Variants in ACTR10 observed in about 807,000 individuals in gnomAD.
The protein encoded by ACTR10 is actin related protein 10, also known as actin-related protein 10.
A neutral mutation model predicts 56.2 loss-of-function variants in ACTR10; 43 were observed. The observed-to-expected ratio is 0.77, with a 90% confidence interval of 0.60 to 0.99. ACTR10 has a LOEUF of 0.99. Ranked by LOEUF, ACTR10 falls within the 50% of genes least tolerant of loss-of-function variation. The pLI is 0.00. For synonymous variants in ACTR10, 170 were observed against 176.3 expected (o/e 0.96, Z 0.28); for missense variants, 466 against 507.8 (o/e 0.92, Z 0.79).
At position 58,235,511 on chromosome 14, in the gene ACTR10, A is replaced by G. The variant is rs1889655861; in HGVS notation, c.*960A>G. 1 of 152,182 alleles carries G rather than the reference A, an allele frequency of 6.6e-6. No homozygotes were observed. The allele number at this position is 152,182 out of a possible 1,614,324, so 9.4% of individuals were successfully genotyped here. A position where few individuals can be genotyped will look rare whatever the true frequency, so the allele number is the denominator to read the frequency against. ...ACTGCTTTATAAAAATGTATTCACAATGTCATTAATCTTTGCGTTTGTGCT... is the reference window on the plus strand; with the variant it reads ...ACTGCTTTATAAAAATGTATTCACAGTGTCATTAATCTTTGCGTTTGTGCT... On this transcript the variant is annotated 3_prime_UTR_variant, in exon 13 of 13. Transcript: ENST00000254286.
At chr14:58,234,249 G>A in intron 12 of ACTR10, 121 bp from the exon 13 acceptor site, 2 of 701,212 alleles carry the variant, frequency 2.9e-6, no homozygotes. Flanking sequence ...GAAGATTGTG[G>A]CTATGCATTG....
At chr14:58,205,112 T>G (rs1411784353) in intron 2 of ACTR10, among the ~76,000 whole-genome samples, 1 of 151,586 alleles carries the variant, frequency 6.6e-6, no homozygotes. Flanking sequence ...TCCCAGCTAC[T>G]CAGGAGGCTG....
intron 3 of ACTR10, 81 bp from the exon 4 acceptor site, chr14:58,208,918 A>G (rs897517747): frequency 1.2e-6 from 1 of 848,586 alleles, no homozygotes; most frequent in Non-Finnish European, 1.9e-6. Context: ...AAGGTAGTAC[A>G]GTTTCACTGT....
rs570360064 is a variant in ACTR10 at position 58,233,805 on chromosome 14, GT to G, written c.1073-564del. ...GGATTGTGCATTTAGAGAAAGAGTA[GT>G]ATGACATTTTAAAATGAATGTTACA... On this transcript the variant is annotated intron_variant, in intron 12 of 12. Coordinates refer to ENST00000254286, the MANE Select transcript of ACTR10 (RefSeq NM_018477.3). Among the ~76,000 whole-genome samples the G allele has an allele frequency of 1.2e-4, 18 of 152,294 alleles. No individual in the cohort carries two copies. In the South Asian group the frequency reaches 2.9e-3, roughly 25 times the overall value.
At chr14:58,214,080 C>T (rs1401575791) in intron 6 of ACTR10, among the ~76,000 whole-genome samples, 2 of 152,176 alleles carry the variant, frequency 1.3e-5, no homozygotes, top group Admixed American at 1.3e-4. Context: ...TGTCTACAGT[C>T]ACCCTGTGGT....
chr14:58,204,956 C>T lies in ACTR10; in HGVS notation c.150+2029C>T, dbSNP rs148654570. Among the ~76,000 whole-genome samples the T allele has an allele frequency of 4.2e-3, 644 of 152,154 alleles. 4 individuals carry two copies. The highest frequency in any genetic ancestry group is 0.015 in the African/African-American group (607 of 41,512). On this transcript the variant is annotated intron_variant, in intron 2 of 12. Transcript: ENST00000254286. The stretch of plus-strand genomic sequence containing the variant: ...TATAAAAACACATGTTGGCCAGATG[C>T]GGTGGCTCACTCCCAGCACTTTGGG...
At chr14:58,203,025 G>C in intron 2 of ACTR10, 98 bp downstream of exon 2, 1 of 812,556 alleles carries the variant, frequency 1.2e-6, no homozygotes, top group Non-Finnish European at 1.9e-6. Flanking sequence ...CTAAAGGCCA[G>C]CCGTGGTGGC....
intron 7 of ACTR10, among the ~76,000 whole-genome samples, chr14:58,218,425 C>T (rs12894895): frequency 6.6e-6 from 1 of 151,902 alleles, no homozygotes; most frequent in Non-Finnish European, 1.5e-5. Context: ...TTTATTTATA[C>T]ACCATATATG....
intron 8 of ACTR10, among the ~76,000 whole-genome samples, chr14:58,221,968 T>C (rs752548725): frequency 1.3e-5 from 2 of 152,100 alleles, no homozygotes; most frequent in Non-Finnish European, 2.9e-5. Context: ...GCTTAGATAG[T>C]CACGAGAACT....
At chr14:58,227,567 C>A (rs1213366942) in intron 10 of ACTR10, among the ~76,000 whole-genome samples, 1 of 152,046 alleles carries the variant, frequency 6.6e-6, no homozygotes, top group Non-Finnish European at 1.5e-5. Context: ...AATCAGCTGA[C>A]AAAAGATTGG....
intron 12 of ACTR10, among the ~76,000 whole-genome samples, chr14:58,233,177 A>G (rs1049847068): frequency 4.6e-5 from 7 of 152,066 alleles, no homozygotes; most frequent in African/African-American, 1.7e-4. Flanking sequence ...CTGGCTTACC[A>G]TTTCTTAAAA....
chr14:58,215,325 C>G, intron 7 of ACTR10, 41 bp downstream of exon 7: 1 of 1,265,586 alleles, frequency 7.9e-7, no homozygotes, highest in Non-Finnish European at 1.1e-6. Flanking sequence ...TTTACACTCT[C>G]TTTTTGTTCT....
intron 10 of ACTR10, among the ~76,000 whole-genome samples, chr14:58,229,440 A>T (rs1327782663): frequency 6.6e-6 from 1 of 151,984 alleles, no homozygotes; most frequent in Admixed American, 6.6e-5. Context: ...GCACTTTGGG[A>T]GGCCGAGGTG....
chr14:58,203,928 A>T (rs1566621596), intron 2 of ACTR10, among the ~76,000 whole-genome samples: 1 of 152,182 alleles, frequency 6.6e-6, no homozygotes, highest in East Asian at 1.9e-4. Context: ...AAAACAAAAC[A>T]AAACAGGCTT....
intron 11 of ACTR10, chr14:58,231,131 A>G: frequency 3.2e-6 from 1 of 311,122 alleles, no homozygotes; most frequent in South Asian, 2.4e-5. Flanking sequence ...TCAGCTCAGC[A>G]CAACCTCCGC....
At chr14:58,202,151 C>A (rs7150530) in intron 1 of ACTR10, among the ~76,000 whole-genome samples, 64,374 of 151,828 alleles carry the variant, frequency 0.42, 13,917 homozygotes, top group Non-Finnish European at 0.48. Flanking sequence ...AGTGAATACA[C>A]CAATATGGAA....
intron 4 of ACTR10, 133 bp from the exon 5 acceptor site, chr14:58,211,159 T>G: frequency 1.6e-6 from 1 of 611,386 alleles, no homozygotes. Flanking sequence ...CATAAAATGG[T>G]TGAGTAGGTA....
At chr14:58,211,508 A>G (rs1230896323) in intron 5 of ACTR10, 109 bp downstream of exon 5, 2 of 715,868 alleles carry the variant, frequency 2.8e-6, no homozygotes, top group Non-Finnish European at 2.3e-6. Context: ...TTGGGTTACT[A>G]TGTACAAATA....
intron 7 of ACTR10, among the ~76,000 whole-genome samples, chr14:58,217,924 T>A (rs1054561641): frequency 6.6e-6 from 1 of 152,216 alleles, no homozygotes; most frequent in Non-Finnish European, 1.5e-5. Flanking sequence ...TGCTTCTTAT[T>A]TTCCTAACTG....
Sources: gnomAD v4.1 joint callset for allele counts (sites outside exome capture counted in the v4.1 genomes callset) on GRCh38, gnomAD v4.1.1 for gene constraint, MANE v1.5 for transcripts, NCBI Gene and HGNC (gene_info 2026-07-23, HGNC 2026-07-21) for gene names.